Variants in NSD1 observed in about 807,000 individuals in gnomAD.
NSD1 encodes histone-lysine N-methyltransferase, H3 lysine-36 specific.
Under a neutral mutation model 242.7 loss-of-function variants are expected in NSD1, and 26 were observed. The ratio of observed to expected loss-of-function variants is 0.11; its 90% CI spans 0.08 to 0.15. The LOEUF (loss-of-function observed/expected upper bound fraction) is 0.15, where lower values mean the gene tolerates loss of function less well. Ranked by LOEUF, NSD1 falls within the 10% of genes least tolerant of loss-of-function variation. The pLI, the probability that NSD1 is intolerant of heterozygous loss-of-function variation, is 1.00. For synonymous variants in NSD1, 1,106 were observed against 1,178.1 expected (o/e 0.94, Z 1.25); for missense variants, 2,495 against 3,272.8 (o/e 0.76, Z 5.80).
chr5:177,134,786 G>T lies in NSD1; in HGVS notation c.-17-301G>T, dbSNP rs1370994619. On this transcript the variant is annotated intron_variant, in intron 1 of 22. Transcript: ENST00000439151. This position sits in a 1 kb window ranked among gnomAD's most constrained non-coding sequence, Gnocchi z 4.2. ...GGAGGACTAGTCCTGTTTGAGAATTGGGAATTTTGACGGGCAGAGGGGTTT... is the reference window on the plus strand; with the variant it reads ...GGAGGACTAGTCCTGTTTGAGAATTTGGAATTTTGACGGGCAGAGGGGTTT... Among the ~76,000 whole-genome samples, 2 of 152,210 alleles carry T rather than the reference G, an allele frequency of 1.3e-5. No individual in the cohort carries two copies. Among genetic ancestry groups the T allele is most frequent in the Admixed American group, 6.5e-5 (1 of 15,284 alleles).
At chr5:177,133,277 G>T (rs1335488140), upstream of NSD1, 2 of 152,762 alleles carry the variant, frequency 1.3e-5, no homozygotes, top group Non-Finnish European at 2.9e-5. This position sits in a 1 kb window ranked among gnomAD's most constrained non-coding sequence, Gnocchi z 6.2. Flanking sequence ...GACTGACGCG[G>T]GCCCGAGCAG....
Position 177,212,169 on chromosome 5 carries a change from C to T in NSD1, c.3770C>T (p.Thr1257Ile), listed in dbSNP as rs1249385869. ...MEKEPGIPSLTPQAELPEPAV... is the reference protein window; with the variant it reads ...MEKEPGIPSLIPQAELPEPAV... Reference sequence around the variant, plus strand: ...AAGGAGCCAGGAATTCCCAGTTTGACACCACAGGCTGAGCTCCCTGAACCA... The same window carrying T: ...AAGGAGCCAGGAATTCCCAGTTTGATACCACAGGCTGAGCTCCCTGAACCA... The change falls in exon 5 of 23, where the codon ACA becomes ATA. Residue 1257 changes from threonine (T) to isoleucine (I), a missense_variant. Thr to Ile is a moderately conservative substitution (Grantham distance 89, BLOSUM62 -1). Around this residue, in one of 19 missense-constraint regions of NSD1, gnomAD observed 426 missense variants for 411.4 expected, o/e 1.04. Transcript: ENST00000439151. The T allele has an allele frequency of 2.5e-6, 4 of 1,613,654 alleles. No individual in the cohort carries two copies. Among genetic ancestry groups the T allele is most frequent in the African/African-American group, 2.7e-5 (2 of 74,778 alleles).
chr5:177,276,936 G>A (rs966705752), intron 17 of NSD1, among the ~76,000 whole-genome samples: 5 of 152,150 alleles, frequency 3.3e-5, no homozygotes, highest in Non-Finnish European at 5.9e-5. Context: ...CACAATGTAT[G>A]TGAAAATATA....
intron 2 of NSD1, among the ~76,000 whole-genome samples, chr5:177,150,116 G>A (rs1757580615): frequency 6.6e-6 from 1 of 150,898 alleles, no homozygotes; most frequent in African/African-American, 2.4e-5. Context: ...TTTTATATTT[G>A]TATTTTTTAA....
intron 21 of NSD1, 55 bp from the exon 22 acceptor site, chr5:177,291,899 A>G: frequency 6.6e-7 from 1 of 1,516,368 alleles, no homozygotes; most frequent in Non-Finnish European, 9.1e-7. Flanking sequence ...TAACCCGGTT[A>G]AGATTGGTAC....
intron 4 of NSD1, among the ~76,000 whole-genome samples, chr5:177,207,883 T>C (rs1014242902): frequency 2.0e-5 from 3 of 151,888 alleles, no homozygotes; most frequent in African/African-American, 7.3e-5. Context: ...GCTGGGACCA[T>C]ATGCATGCAG....
Position 177,294,270 on chromosome 5 carries a change from G to C in NSD1, c.6902G>C (p.Gly2301Ala), listed in dbSNP as rs1486029151. The C allele has an allele frequency of 6.2e-7, 1 of 1,613,430 alleles. No individual in the cohort carries two copies. Among genetic ancestry groups the C allele is most frequent in the African/African-American group, 1.3e-5 (1 of 74,910 alleles). ...QPLDKVRDLA[G>A]SGTKSQSLVS... The stretch of plus-strand genomic sequence containing the variant: ...TTAGATAAGGTCAGAGACCTCGCTG[G>C]GTCAGGGACCAAATCCCAATCCTTG... The change falls in exon 23 of 23, where the codon GGG (glycine) becomes GCG (alanine). Residue 2301 changes from glycine to alanine, a missense_variant. By Grantham distance (60) the Gly-to-Ala change is moderately conservative. Coordinates refer to ENST00000439151, the MANE Select transcript of NSD1 (RefSeq NM_022455.5).
At chr5:177,225,103 A>G (rs530535739) in intron 5 of NSD1, among the ~76,000 whole-genome samples, 114 of 152,168 alleles carry the variant, frequency 7.5e-4, no homozygotes, top group Middle Eastern at 3.4e-3. Context: ...CAGTTTTCCT[A>G]TTTGTGTGAT....
At chr5:177,206,408 G>A (rs1447162243) in intron 4 of NSD1, among the ~76,000 whole-genome samples, 3 of 152,082 alleles carry the variant, frequency 2.0e-5, no homozygotes, top group Admixed American at 6.6e-5. Context: ...CCAAAGTGAT[G>A]GGATTACAGG....
intron 3 of NSD1, among the ~76,000 whole-genome samples, chr5:177,203,725 T>TG (rs1416835216): frequency 1.3e-5 from 2 of 152,062 alleles, no homozygotes; most frequent in African/African-American, 2.4e-5. Context: ...TCTTGGGTTT[T>TG]TTTTTGTATA....
chr5:177,295,318 G>T lies in NSD1; in HGVS notation c.7950G>T (p.Trp2650Cys), dbSNP rs771928126. 4.3e-6 allele frequency: 7 copies of T among 1,613,808 alleles called. No homozygotes were observed. The highest frequency in any genetic ancestry group is 5.9e-6 in the Non-Finnish European group (7 of 1,180,044). Residue 2650 changes from tryptophan (W) to cysteine (C), a missense_variant, in exon 23 of 23, where the codon TGG (tryptophan) becomes TGT (cysteine). By Grantham distance (215) the Trp-to-Cys change is radical. Coordinates refer to ENST00000439151, the MANE Select transcript of NSD1 (RefSeq NM_022455.5). The surrounding 1 kb of genome is among the most constrained non-coding windows in gnomAD (Gnocchi z 4.3). Reference sequence around the variant, plus strand: ...GACAGACACTGGCACAGTCTTGCTGGTCTGCTGGGAGCACACAGACATTGG... The same window carrying T: ...GACAGACACTGGCACAGTCTTGCTGTTCTGCTGGGAGCACACAGACATTGG... ...VAGQTLAQSC[W>C]SAGSTQTLAQ...
At position 177,134,146 on chromosome 5, in the gene NSD1, G is replaced by T. The variant is rs1254135939; in HGVS notation, c.-18+194G>T. 6.7e-6 allele frequency: 1 copy of T among 150,326 alleles called. No individual in the cohort carries two copies. The highest frequency in any genetic ancestry group is 3.5e-3 in the Middle Eastern group (1 of 288). 9.3% of individuals were successfully genotyped at this position (150,326 alleles called of 1,614,324 possible). On this transcript the variant is annotated intron_variant, in intron 1 of 22. Coordinates refer to ENST00000439151, the MANE Select transcript of NSD1 (RefSeq NM_022455.5). This position sits in a 1 kb window ranked among gnomAD's most constrained non-coding sequence, Gnocchi z 4.2. ...TCCCCCTCCTCCATCACTACCAGCC[G>T]GGCTCAGGCCTAGCTGGCCGGGCTG...
intron 11 of NSD1, 36 bp downstream of exon 11, chr5:177,248,360 A>C: frequency 1.2e-6 from 2 of 1,605,096 alleles, no homozygotes; most frequent in South Asian, 1.1e-5. Flanking sequence ...TTTTCATTGC[A>C]TGTTCATCTT....
intron 12 of NSD1, among the ~76,000 whole-genome samples, chr5:177,256,077 C>T (rs1756428781): frequency 6.6e-6 from 1 of 151,934 alleles, no homozygotes; most frequent in African/African-American, 2.4e-5. Flanking sequence ...AGTTCATTTT[C>T]AAATTTTCTC....
intron 2 of NSD1, among the ~76,000 whole-genome samples, chr5:177,182,857 C>T (rs934133127): frequency 6.6e-6 from 1 of 152,124 alleles, no homozygotes; most frequent in Admixed American, 6.6e-5. Flanking sequence ...AGGCTGGTCT[C>T]GAACTCCTGA....
intron 2 of NSD1, among the ~76,000 whole-genome samples, chr5:177,150,291 G>T (rs115420248): frequency 1.1e-3 from 165 of 152,082 alleles, no homozygotes; most frequent in African/African-American, 3.9e-3. Flanking sequence ...CCGCCACGAC[G>T]CCTGGCTTTT....
At chr5:177,240,215 C>T (rs974365871) in intron 8 of NSD1, among the ~76,000 whole-genome samples, 2 of 152,020 alleles carry the variant, frequency 1.3e-5, no homozygotes, top group East Asian at 1.9e-4. Context: ...CTCCTATTGC[C>T]GTGTCGTCGT....
chr5:177,232,357 T>C (rs1258971685), intron 5 of NSD1, among the ~76,000 whole-genome samples: 1 of 152,202 alleles, frequency 6.6e-6, no homozygotes, highest in African/African-American at 2.4e-5. Flanking sequence ...AGAGATGTTG[T>C]TTAAAATGCA....
intron 16 of NSD1, among the ~76,000 whole-genome samples, chr5:177,273,312 TAAAA>T (rs11452158): frequency 1.1e-5 from 1 of 90,918 alleles, no homozygotes; most frequent in Admixed American, 1.3e-4. Context: ...ACTGATGAGC[TAAAA>T]AAAAAAAAAA....
Sources: gnomAD v4.1 joint callset for allele counts (sites outside exome capture counted in the v4.1 genomes callset) on GRCh38, gnomAD v4.1.1 for gene constraint, gnomAD v4.1.1 regional missense constraint, Gnocchi (gnomAD v3.1) non-coding constraint, MANE v1.5 for transcripts, NCBI Gene and HGNC (gene_info 2026-07-23, HGNC 2026-07-21) for gene names.